Variants in CDH13 observed in about 807,000 individuals in gnomAD.
CDH13 encodes cadherin 13, also known as cadherin-13.
In CDH13, 24 loss-of-function variants were observed where a neutral mutation model predicts 63.8. That is an observed-to-expected ratio of 0.38 (90% CI 0.27 to 0.53). CDH13 has a LOEUF of 0.53. Ranked by LOEUF, CDH13 falls within the 20% of genes least tolerant of loss-of-function variation. CDH13 has a pLI of 0.85. For synonymous variants in CDH13, 503 were observed against 355.3 expected (o/e 1.42, Z -4.67); for missense variants, 1,049 against 903.1 (o/e 1.16, Z -2.07).
At chr16:83,461,212 A>G (rs1212521269) in intron 6 of CDH13, among the ~76,000 whole-genome samples, 1 of 152,150 alleles carries the variant, frequency 6.6e-6, no homozygotes, top group African/African-American at 2.4e-5. Flanking sequence ...ATAGGTACAT[A>G]TACACATACA....
chr16:82,775,948 A>G (rs12444346), intron 1 of CDH13, among the ~76,000 whole-genome samples: 15,551 of 152,230 alleles, frequency 0.1, 888 homozygotes, highest in East Asian at 0.24. Context: ...AGTGGCTCAC[A>G]TCTGGAATCC....
At chr16:83,230,686 C>G (rs992584477) in intron 5 of CDH13, among the ~76,000 whole-genome samples, 1 of 152,154 alleles carries the variant, frequency 6.6e-6, no homozygotes, top group Non-Finnish European at 1.5e-5. Flanking sequence ...ACTTGGGAGG[C>G]TGAGGCAGGA....
intron 10 of CDH13, among the ~76,000 whole-genome samples, chr16:83,710,761 G>C (rs393904): frequency 0.27 from 40,418 of 152,150 alleles, 5,822 homozygotes; most frequent in Middle Eastern, 0.46. Context: ...TTAGCACCGT[G>C]ACTGCCACCT....
intron 4 of CDH13, among the ~76,000 whole-genome samples, chr16:83,128,532 T>C (rs2035910695): frequency 6.6e-6 from 1 of 152,240 alleles, no homozygotes; most frequent in Admixed American, 6.5e-5. Flanking sequence ...AATTAGGTTA[T>C]AATAAGGACA....
At chr16:83,224,555 G>A (rs960961818) in intron 5 of CDH13, among the ~76,000 whole-genome samples, 7 of 152,210 alleles carry the variant, frequency 4.6e-5, no homozygotes, top group African/African-American at 1.7e-4. Context: ...CAAGAGCCCT[G>A]AGTGGGACAA....
intron 1 of CDH13, chr16:82,824,628 A>C (rs1411248906): frequency 6.6e-6 from 1 of 152,234 alleles, no homozygotes; most frequent in Non-Finnish European, 1.5e-5. Context: ...TGGACAGGCG[A>C]ACATGTTAAA....
chr16:83,324,837 C>T (rs1244681820), intron 5 of CDH13, among the ~76,000 whole-genome samples: 2 of 152,168 alleles, frequency 1.3e-5, no homozygotes, highest in African/African-American at 2.4e-5. Flanking sequence ...AGACTATTTT[C>T]CAGTTTTAAT....
At chr16:82,732,255 G>A (rs1303820061) in intron 1 of CDH13, among the ~76,000 whole-genome samples, 1 of 152,028 alleles carries the variant, frequency 6.6e-6, no homozygotes, top group Non-Finnish European at 1.5e-5. Flanking sequence ...GTTTGTAGCT[G>A]AACTGAATTG....
At chr16:83,649,182 T>G (rs1301834123) in intron 8 of CDH13, among the ~76,000 whole-genome samples, 1 of 152,262 alleles carries the variant, frequency 6.6e-6, no homozygotes, top group Non-Finnish European at 1.5e-5. Flanking sequence ...GGAGTGAGCC[T>G]TCCTGCTCCA....
intron 2 of CDH13, among the ~76,000 whole-genome samples, chr16:83,031,694 A>T: frequency 6.6e-6 from 1 of 152,088 alleles, no homozygotes; most frequent in Admixed American, 6.5e-5. Flanking sequence ...ACATGCCAGG[A>T]TTAGATCACT....
intron 10 of CDH13, among the ~76,000 whole-genome samples, chr16:83,707,514 A>T (rs1907262344): frequency 6.6e-6 from 1 of 152,188 alleles, no homozygotes; most frequent in African/African-American, 2.4e-5. Context: ...CTTAGCAATA[A>T]TATCTGTGAT....
chr16:82,655,155 G>T (rs972044913), intron 1 of CDH13, among the ~76,000 whole-genome samples: 1 of 152,146 alleles, frequency 6.6e-6, no homozygotes, highest in African/African-American at 2.4e-5. Flanking sequence ...CTGAATGCCC[G>T]CAAGCACCAG....
rs1478135152 is a variant in CDH13, at chr16:83,344,873, G to T, written c.648G>T (p.Glu216Asp). The T allele has an allele frequency of 5.0e-6, 8 of 1,613,536 alleles. No homozygotes were observed. Among genetic ancestry groups the T allele is most frequent in the Non-Finnish European group, 5.9e-6 (7 of 1,179,692 alleles). Reference sequence around the variant, plus strand: ...CTTTGCTCAAATAGCTATTTGTGGAGACCACTGATGTCAATGGCAAAACTC... The same window carrying T: ...CTTTGCTCAAATAGCTATTTGTGGATACCACTGATGTCAATGGCAAAACTC... ...EVIAVYQLFV[E>D]TTDVNGKTLE... The change falls in exon 6 of 14, where the codon GAG becomes GAT. Residue 216 changes from glutamate (E) to aspartate (D), a missense_variant. By Grantham distance (45) the Glu-to-Asp change is conservative (BLOSUM62 2). Coordinates refer to ENST00000567109, the MANE Select transcript of CDH13 (RefSeq NM_001257.5).
At chr16:83,527,271 A>G (rs1196026220) in intron 7 of CDH13, among the ~76,000 whole-genome samples, 2 of 152,034 alleles carry the variant, frequency 1.3e-5, no homozygotes, top group African/African-American at 4.8e-5. Flanking sequence ...AACACGGTGA[A>G]ACCCCATCTC....
chr16:82,758,854 A>G (rs1026296058), intron 1 of CDH13, among the ~76,000 whole-genome samples: 1 of 152,208 alleles, frequency 6.6e-6, no homozygotes, highest in African/African-American at 2.4e-5. Context: ...AGCATACTTC[A>G]GTTTTCCCCT....
At chr16:83,099,053 CACATAT>C (rs1567827580) in intron 3 of CDH13, among the ~76,000 whole-genome samples, 1 of 151,944 alleles carries the variant, frequency 6.6e-6, no homozygotes, top group Non-Finnish European at 1.5e-5. Context: ...TGTATACATA[CACATAT>C]ACATATATAT....
intron 4 of CDH13, among the ~76,000 whole-genome samples, chr16:83,164,969 G>A (rs897547581): frequency 1.3e-5 from 2 of 151,376 alleles, no homozygotes; most frequent in South Asian, 4.2e-4. Context: ...CAGAACTGGA[G>A]ACAATCCAGG....
intron 2 of CDH13, among the ~76,000 whole-genome samples, chr16:82,995,084 A>G (rs958428817): frequency 2.6e-4 from 40 of 152,336 alleles, no homozygotes; most frequent in Middle Eastern, 3.4e-3. Flanking sequence ...AACTGCTGCT[A>G]TCTTTATTCC....
chr16:83,649,629 A>T (rs546441862), intron 8 of CDH13, among the ~76,000 whole-genome samples: 8 of 152,210 alleles, frequency 5.3e-5, no homozygotes, highest in Non-Finnish European at 7.4e-5. Flanking sequence ...GTTCACTTTG[A>T]GCAGCAAGGA....
Sources: allele counts gnomAD v4.1 joint callset (sites outside exome capture counted in the v4.1 genomes callset), GRCh38; gene constraint gnomAD v4.1.1; transcripts MANE v1.5; gene names NCBI Gene and HGNC (gene_info 2026-07-23, HGNC 2026-07-21).